Variants in MACO1 observed in about 807,000 individuals in gnomAD.
MACO1 encodes the protein macoilin 1, also known as macoilin.
Under a neutral mutation model 78.7 loss-of-function variants are expected in MACO1, and 14 were observed. The ratio of observed to expected loss-of-function variants is 0.18; its 90% confidence interval spans 0.12 to 0.28. The LOEUF (loss-of-function observed/expected upper bound fraction) is 0.28. MACO1 is among the 10% of genes least tolerant of loss of function. The pLI, the probability that MACO1 is intolerant of heterozygous loss-of-function variation, is 1.00. For synonymous variants in MACO1, 288 were observed against 291.6 expected, an observed-to-expected ratio of 0.99 and a Z score of 0.12; for missense variants, 501 against 799.0, an observed-to-expected ratio of 0.63 and a Z score of 4.50.
chr1:25,456,445 T>G (rs1358460928), intron 4 of MACO1, among the ~76,000 whole-genome samples: 2 of 152,228 alleles, frequency 1.3e-5, no homozygotes, highest in Non-Finnish European at 2.9e-5. Flanking sequence ...GTCCTGTTGT[T>G]CCTGGGGGTT....
At position 25,454,254 on chromosome 1, in the gene MACO1, C is replaced by T. The variant is rs577903913; in HGVS notation, c.350-5C>T. The T allele has an allele frequency of 2.5e-6, 4 of 1,578,566 alleles. No individual in the cohort carries two copies. The highest frequency in any genetic ancestry group is 2.7e-5 in the African/African-American group (2 of 73,774). ...AATGCTTGCCTCTCTGCTGCTTTCT[C>T]ACAGAAAGGGGAGTGTGTTTGCCTA... is the stretch of plus-strand genomic sequence containing the variant. On this transcript the variant is annotated splice_region_variant and splice_polypyrimidine_tract_variant and intron_variant, in intron 3 of 10. Coordinates refer to ENST00000374343, the MANE Select transcript of MACO1 (RefSeq NM_018202.6).
At chr1:25,457,760 T>C (rs1219182974) in intron 5 of MACO1, among the ~76,000 whole-genome samples, 1 of 152,230 alleles carries the variant, frequency 6.6e-6, no homozygotes, top group African/African-American at 2.4e-5. Flanking sequence ...CAAAATTTTC[T>C]TTTTGTGTGA....
chr1:25,444,779 G>A (rs150298770), intron 1 of MACO1, among the ~76,000 whole-genome samples: 2,314 of 152,036 alleles, frequency 0.015, 58 homozygotes, highest in African/African-American at 0.053. Flanking sequence ...TACAGATGGG[G>A]TCTCACTATG....
At chr1:25,449,320 G>T (rs1459373847) in intron 3 of MACO1, among the ~76,000 whole-genome samples, 1 of 152,100 alleles carries the variant, frequency 6.6e-6, no homozygotes, top group Non-Finnish European at 1.5e-5. Context: ...CCTTAATTTG[G>T]CAAAAGAATC....
At chr1:25,459,116 C>T (rs554296858) in intron 6 of MACO1, among the ~76,000 whole-genome samples, 8 of 152,234 alleles carry the variant, frequency 5.3e-5, no homozygotes, top group Non-Finnish European at 1.2e-4. Flanking sequence ...TTACTTCCCA[C>T]ATGTGACAAA....
intron 1 of MACO1, 125 bp downstream of exon 1, chr1:25,431,303 GCGCTGGCCCCGGAGC>G (rs947569018): frequency 9.1e-6 from 5 of 551,710 alleles, no homozygotes; most frequent in South Asian, 4.4e-5. Context: ...CTCCTAAGGA[GCGCTGGCCCCGGAGC>G]CGCTGGCCCG....
chr1:25,486,573 C>T lies in MACO1; in HGVS notation c.1496+778C>T, dbSNP rs34071480. 6.4e-3 allele frequency among the ~76,000 whole-genome samples: 975 copies of T among 152,232 alleles called. 3 individuals are homozygous for T. Among genetic ancestry groups the T allele is most frequent in the Middle Eastern group, 0.02 (6 of 294 alleles). On this transcript the variant is annotated intron_variant, in intron 8 of 10. Coordinates refer to ENST00000374343, the MANE Select transcript of MACO1 (RefSeq NM_018202.6). ...TATTTATTTCACTTTTAAATTCCAT[C>T]CTAATTTGTATCTACGTGGTATAAT... is the stretch of plus-strand genomic sequence containing the variant.
At chr1:25,469,042 CATGTTGCCCA>C (rs1267873001) in intron 6 of MACO1, among the ~76,000 whole-genome samples, 2 of 151,882 alleles carry the variant, frequency 1.3e-5, no homozygotes, top group African/African-American at 2.4e-5. Context: ...GGGGTTTCAC[CATGTTGCCCA>C]GGCTGGTCTC....
intron 1 of MACO1, among the ~76,000 whole-genome samples, chr1:25,437,662 G>A (rs2124568149): frequency 6.6e-6 from 1 of 152,288 alleles, no homozygotes; most frequent in African/African-American, 2.4e-5. Flanking sequence ...TGTGATGGCT[G>A]TAACCCCAGC....
chr1:25,446,652 C>A, intron 1 of MACO1, 110 bp from the exon 2 acceptor site: 2 of 1,071,166 alleles, frequency 1.9e-6, no homozygotes. Context: ...CCATTGTTTT[C>A]ATGATATATG....
intron 1 of MACO1, among the ~76,000 whole-genome samples, chr1:25,434,411 A>G (rs1049998834): frequency 2.6e-5 from 4 of 152,262 alleles, no homozygotes; most frequent in Admixed American, 2.0e-4. Flanking sequence ...TGAAGTGCCT[A>G]CGTTGTTCAG....
chr1:25,489,378 T>G, intron 9 of MACO1, 85 bp downstream of exon 9: 7 of 1,468,798 alleles, frequency 4.8e-6, no homozygotes, highest in Non-Finnish European at 6.5e-6. Context: ...GTAGAGATGA[T>G]GCCTTTTAAT....
Position 25,484,341 on chromosome 1 carries a change from G to T in MACO1, c.1313+67G>T, listed in dbSNP as rs1242806170. The T allele has an allele frequency of 4.0e-6, 6 of 1,484,432 alleles. No homozygotes were observed. In the African/African-American group the frequency reaches 5.6e-5, roughly 14 times the overall value. The allele number at this position is 1,484,432 out of a possible 1,614,324, so 92.0% of individuals were successfully genotyped here. On this transcript the variant is annotated intron_variant, in intron 7 of 10. Transcript: ENST00000374343. ...TTCACTGCTTCTCCTGTTGCCAGGGGTTGGAGCACAAGATTTATGGTGACA... is the reference window on the plus strand; with the variant it reads ...TTCACTGCTTCTCCTGTTGCCAGGGTTTGGAGCACAAGATTTATGGTGACA...
intron 1 of MACO1, among the ~76,000 whole-genome samples, chr1:25,432,525 A>G (rs1435574838): frequency 1.3e-5 from 2 of 152,242 alleles, no homozygotes; most frequent in Non-Finnish European, 2.9e-5. Flanking sequence ...ACTCTAATCT[A>G]TGCTGGATGA....
intron 6 of MACO1, among the ~76,000 whole-genome samples, chr1:25,480,929 A>AAAT (rs1553166539): frequency 1.3e-4 from 6 of 47,900 alleles, no homozygotes; most frequent in East Asian, 1.1e-3. Context: ...AAAAAAAAAA[A>AAAT]ATATATATAT....
Position 25,441,968 on chromosome 1 carries a change from T to A in MACO1, c.81-4794T>A, listed in dbSNP as rs114279031. ...GCATTGTCTTTTTTCTGAGACATCC[T>A]GTAATTGAGTGGAAATTCCATGACA... is the stretch of plus-strand genomic sequence containing the variant. On this transcript the variant is annotated intron_variant, in intron 1 of 10. Transcript: ENST00000374343. 3.6e-3 allele frequency among the ~76,000 whole-genome samples: 554 copies of A among 152,356 alleles called. 4 individuals are homozygous for A. Among genetic ancestry groups the A allele is most frequent in the African/African-American group, 0.012 (519 of 41,578 alleles).
chr1:25,460,007 C>T (rs1384892266), intron 6 of MACO1, among the ~76,000 whole-genome samples: 1 of 152,164 alleles, frequency 6.6e-6, no homozygotes, highest in Non-Finnish European at 1.5e-5. Context: ...CTTTAGGCAG[C>T]CCTTTAGGCA....
At chr1:25,472,567 A>G (rs1178518848) in intron 6 of MACO1, among the ~76,000 whole-genome samples, 8 of 152,306 alleles carry the variant, frequency 5.3e-5, no homozygotes, top group African/African-American at 1.9e-4. Context: ...CCAGGTTAGA[A>G]TATGTGTTTG....
intron 3 of MACO1, among the ~76,000 whole-genome samples, chr1:25,453,648 G>C (rs1296886363): frequency 7.7e-6 from 1 of 129,190 alleles, no homozygotes. Flanking sequence ...GGGCGACAGA[G>C]TGAGACTCCC....
Sources: allele counts gnomAD v4.1 joint callset (sites outside exome capture counted in the v4.1 genomes callset), GRCh38; gene constraint gnomAD v4.1.1; transcripts MANE v1.5; gene names NCBI Gene and HGNC (gene_info 2026-07-23, HGNC 2026-07-21).